TAF3: variants seen among roughly 807,000 people sequenced by gnomAD.
TAF3 encodes transcription initiation factor TFIID subunit 3.
Under a neutral mutation model 80.6 loss-of-function variants are expected in TAF3, and 7 were observed. The observed-to-expected ratio is 0.09, with a 90% CI of 0.05 to 0.16. The LOEUF is 0.16. Ranked by LOEUF, TAF3 falls within the 10% of genes least tolerant of loss-of-function variation. The pLI is 1.00. For missense variants in TAF3, 921 were observed against 1,140.2 expected (o/e 0.81, Z 2.77); for synonymous variants, 444 against 446.1 (o/e 1.00, Z 0.06).
At chr10:8,012,890 T>C (rs1479702726) in intron 5 of TAF3, among the ~76,000 whole-genome samples, 1 of 152,224 alleles carries the variant, frequency 6.6e-6, no homozygotes, top group African/African-American at 2.4e-5. Context: ...AATAATGTGC[T>C]CTGTTATTGT....
intron 1 of TAF3, among the ~76,000 whole-genome samples, chr10:7,822,276 G>A (rs180763386): frequency 4.6e-5 from 7 of 151,804 alleles, no homozygotes; most frequent in Non-Finnish European, 7.4e-5. Flanking sequence ...CGAAGGGGAC[G>A]GGGACAGGGT....
chr10:7,841,859 C>CT (rs1836916038), intron 2 of TAF3, among the ~76,000 whole-genome samples: 1 of 152,248 alleles, frequency 6.6e-6, no homozygotes, highest in Admixed American at 6.5e-5. Flanking sequence ...AGGCAATCCT[C>CT]TAACAAAACT....
At chr10:7,989,302 G>A (rs1392323017) in intron 4 of TAF3, among the ~76,000 whole-genome samples, 1 of 152,228 alleles carries the variant, frequency 6.6e-6, no homozygotes, top group Non-Finnish European at 1.5e-5. Flanking sequence ...AGAAGGAAGA[G>A]AGAGAGGGCT....
At chr10:7,840,601 C>T (rs1054849571) in intron 2 of TAF3, among the ~76,000 whole-genome samples, 3 of 150,710 alleles carry the variant, frequency 2.0e-5, no homozygotes, top group Non-Finnish European at 4.4e-5. Context: ...TCTGTGCTTA[C>T]GGTTTTTGGA....
At chr10:7,974,655 G>C (rs1831653118) in intron 3 of TAF3, among the ~76,000 whole-genome samples, 1 of 152,116 alleles carries the variant, frequency 6.6e-6, no homozygotes, top group South Asian at 2.1e-4. Flanking sequence ...ACATTGGCAA[G>C]GGTTGAGGAA....
At chr10:7,840,854 CTTT>C (rs913492093) in intron 2 of TAF3, among the ~76,000 whole-genome samples, 1 of 146,174 alleles carries the variant, frequency 6.8e-6, no homozygotes, top group Non-Finnish European at 1.5e-5. Flanking sequence ...TTCTTTCTTT[CTTT>C]TTTTTTTTTG....
intron 4 of TAF3, among the ~76,000 whole-genome samples, chr10:7,981,927 T>G (rs922560512): frequency 1.3e-5 from 2 of 152,238 alleles, no homozygotes; most frequent in African/African-American, 4.8e-5. Context: ...GACACTTGTC[T>G]TTGAGTGATC....
chr10:7,947,831 G>A (rs1838040533), intron 2 of TAF3, among the ~76,000 whole-genome samples: 2 of 152,142 alleles, frequency 1.3e-5, no homozygotes. Context: ...TTGGGATTCG[G>A]AGTTGGAGAG....
At chr10:7,825,818 CTG>C (rs1836735131) in intron 2 of TAF3, among the ~76,000 whole-genome samples, 1 of 152,148 alleles carries the variant, frequency 6.6e-6, no homozygotes, top group Non-Finnish European at 1.5e-5. Context: ...GTGCAAATCT[CTG>C]TTCAAATTCT....
intron 2 of TAF3, among the ~76,000 whole-genome samples, chr10:7,881,566 T>A (rs959983887): frequency 4.0e-5 from 6 of 151,866 alleles, no homozygotes; most frequent in Non-Finnish European, 7.4e-5. Context: ...ACGTAATAAG[T>A]TTTTTATATC....
intron 3 of TAF3, 80 bp downstream of exon 3, chr10:7,965,822 C>T (rs1831566121): frequency 7.1e-7 from 1 of 1,409,432 alleles, no homozygotes; most frequent in Admixed American, 2.8e-5. Context: ...ACAATTATAT[C>T]TGTATTCTGG....
At chr10:7,994,035 C>G (rs1288476909) in intron 4 of TAF3, among the ~76,000 whole-genome samples, 1 of 137,848 alleles carries the variant, frequency 7.3e-6, no homozygotes, top group African/African-American at 2.7e-5. Flanking sequence ...CTCCCCCTCT[C>G]TCTTTCTCTG....
intron 2 of TAF3, among the ~76,000 whole-genome samples, chr10:7,902,986 C>T (rs921682556): frequency 9.2e-5 from 14 of 151,938 alleles, no homozygotes; most frequent in South Asian, 4.2e-4. Flanking sequence ...GTTGGGAAGC[C>T]GAGGTAGGAG....
chr10:7,964,051 C>T lies in TAF3; in HGVS notation c.541C>T (p.Leu181=), dbSNP rs1354314516. The T allele has an allele frequency of 6.2e-7, 1 of 1,614,000 alleles. No individual in the cohort carries two copies. Among genetic ancestry groups the T allele is most frequent in the African/African-American group, 1.3e-5 (1 of 74,912 alleles). Residue 181 remains leucine, a synonymous_variant, in exon 3 of 7, where the codon CTG becomes TTG. Coordinates refer to ENST00000344293, the MANE Select transcript of TAF3 (RefSeq NM_031923.4). This position sits in a 1 kb window ranked among gnomAD's most constrained non-coding sequence, Gnocchi z 4.1. The part of the protein sequence containing the change: ...NDENFLGKRP[L]DSPEAEELPA... ...TGAGAATTTCCTGGGCAAGAGACCACTGGATAGTCCTGAAGCTGAAGAACT... is the reference window on the plus strand; with the variant it reads ...TGAGAATTTCCTGGGCAAGAGACCATTGGATAGTCCTGAAGCTGAAGAACT...
chr10:7,944,201 TTCTG>T (rs1411723038), intron 2 of TAF3, among the ~76,000 whole-genome samples: 1 of 151,836 alleles, frequency 6.6e-6, no homozygotes, highest in Non-Finnish European at 1.5e-5. Flanking sequence ...CAATTTTATT[TTCTG>T]TCTACTTACT....
At chr10:7,866,970 T>C (rs1055125472) in intron 2 of TAF3, among the ~76,000 whole-genome samples, 2 of 152,182 alleles carry the variant, frequency 1.3e-5, no homozygotes, top group African/African-American at 2.4e-5. Context: ...TTTAAAGATA[T>C]GATTTCGGCT....
intron 2 of TAF3, among the ~76,000 whole-genome samples, chr10:7,957,597 G>A (rs569473305): frequency 2.6e-4 from 40 of 152,182 alleles, no homozygotes; most frequent in Non-Finnish European, 4.9e-4. Context: ...ATGAACTTGT[G>A]TGAAAACTTA....
At chr10:7,995,500 G>A (rs1831879286) in intron 4 of TAF3, among the ~76,000 whole-genome samples, 1 of 152,100 alleles carries the variant, frequency 6.6e-6, no homozygotes. Flanking sequence ...ATGAGGAAAT[G>A]TGGATTATAT....
chr10:7,873,016 A>G (rs762660711), intron 2 of TAF3, among the ~76,000 whole-genome samples: 2 of 152,186 alleles, frequency 1.3e-5, no homozygotes, highest in African/African-American at 2.4e-5. Flanking sequence ...TAGTTTAAAA[A>G]CAAACAGAAA....
Sources: gnomAD v4.1 joint callset for allele counts (sites outside exome capture counted in the v4.1 genomes callset) on GRCh38, gnomAD v4.1.1 for gene constraint, Gnocchi (gnomAD v3.1) non-coding constraint, MANE v1.5 for transcripts, NCBI Gene and HGNC (gene_info 2026-07-23, HGNC 2026-07-21) for gene names.